Variants in USP4 observed in about 807,000 individuals in gnomAD.
USP4 encodes ubiquitin carboxyl-terminal hydrolase 4.
USP4 carries 72 observed loss-of-function variants against 118.2 expected under a neutral mutation model. That is an observed-to-expected ratio of 0.61 (90% confidence interval 0.50 to 0.74). The LOEUF (loss-of-function observed/expected upper bound fraction) is 0.74. USP4 is among the 30% of genes least tolerant of loss of function. The pLI is 0.00. For missense variants in USP4, 1,037 were observed against 1,185.7 expected, an observed-to-expected ratio of 0.87 and a Z score of 1.84; for synonymous variants, 415 against 440.4, an observed-to-expected ratio of 0.94 and a Z score of 0.72.
Position 49,329,299 on chromosome 3 carries a change from C to T in USP4, c.230-1483G>A, listed in dbSNP as rs147566473. Among the ~76,000 whole-genome samples the T allele has an allele frequency of 3.0e-3, 463 of 152,302 alleles. 4 individuals carry two copies. Among genetic ancestry groups the T allele is most frequent in the African/African-American group, 0.011 (440 of 41,574 alleles). Reference sequence around the variant, plus strand: ...TTGCTGTTACTTCTCCCACTGATGTCTTGAGCCCGTTGAAGTCATCCGTAA... The same window carrying T: ...TTGCTGTTACTTCTCCCACTGATGTTTTGAGCCCGTTGAAGTCATCCGTAA... On this transcript the variant is annotated intron_variant, in intron 2 of 21. Transcript: ENST00000265560.
intron 14 of USP4, among the ~76,000 whole-genome samples, chr3:49,294,108 C>A (rs2047178469): frequency 6.6e-6 from 1 of 152,058 alleles, no homozygotes; most frequent in Admixed American, 6.6e-5. Flanking sequence ...GCCTCAGCAT[C>A]CCGAGCAGCT....
intron 1 of USP4, 49 bp downstream of exon 1, chr3:49,339,875 T>TTTCTCGGCCCCTGG: frequency 6.5e-7 from 1 of 1,540,148 alleles, no homozygotes; most frequent in Non-Finnish European, 8.9e-7. Flanking sequence ...GAGGCCCCTT[T>TTTCTCGGCCCCTGG]TTCTCGGCCC....
chr3:49,309,136 C>T (rs1274566078), intron 8 of USP4, among the ~76,000 whole-genome samples: 2 of 151,862 alleles, frequency 1.3e-5, no homozygotes, highest in Non-Finnish European at 2.9e-5. Flanking sequence ...CCCTATATGC[C>T]TCTTCCCTTG....
At chr3:49,320,543 C>T (rs952792912) in intron 6 of USP4, among the ~76,000 whole-genome samples, 3 of 152,198 alleles carry the variant, frequency 2.0e-5, no homozygotes, top group Non-Finnish European at 4.4e-5. Context: ...AACTCCTGGG[C>T]TCAAGCAAGC....
At chr3:49,283,895 A>C in intron 19 of USP4, 92 bp downstream of exon 19, 1 of 1,521,990 alleles carries the variant, frequency 6.6e-7, no homozygotes, top group South Asian at 1.2e-5. Flanking sequence ...CTTACTCAGA[A>C]AAGTTTTTGG....
intron 6 of USP4, chr3:49,312,525 C>T (rs970968953): frequency 2.2e-6 from 1 of 452,382 alleles, no homozygotes; most frequent in Non-Finnish European, 4.4e-6. Flanking sequence ...GAAGCTGAGG[C>T]AGGAGAATTG....
chr3:49,331,762 T>C (rs1251396131), intron 2 of USP4, among the ~76,000 whole-genome samples: 1 of 152,178 alleles, frequency 6.6e-6, no homozygotes, highest in Non-Finnish European at 1.5e-5. Context: ...ATTTTTGGAA[T>C]GATAAATGAG....
chr3:49,338,932 G>C (rs1368998647), intron 1 of USP4, among the ~76,000 whole-genome samples: 1 of 152,136 alleles, frequency 6.6e-6, no homozygotes, highest in Non-Finnish European at 1.5e-5. Context: ...TGGATCATAA[G>C]GTCAAGAGTT....
At chr3:49,332,709 T>G (rs779304126) in intron 2 of USP4, among the ~76,000 whole-genome samples, 17 of 151,634 alleles carry the variant, frequency 1.1e-4, no homozygotes, top group Middle Eastern at 3.4e-3. Flanking sequence ...AAAATAATAA[T>G]AATAAATAAA....
chr3:49,307,619 T>C (rs527287426), intron 8 of USP4, among the ~76,000 whole-genome samples: 1 of 151,764 alleles, frequency 6.6e-6, no homozygotes, highest in Admixed American at 6.6e-5. Context: ...ACAAAAACCA[T>C]TGCTGGTTTG....
intron 15 of USP4, among the ~76,000 whole-genome samples, chr3:49,292,092 C>T (rs1207530892): frequency 6.6e-6 from 1 of 151,998 alleles, no homozygotes; most frequent in Non-Finnish European, 1.5e-5. Flanking sequence ...CAGGCGTGAG[C>T]CACCACGCCC....
chr3:49,301,351 G>A (rs1038279532), intron 10 of USP4, among the ~76,000 whole-genome samples: 3 of 152,110 alleles, frequency 2.0e-5, no homozygotes, highest in African/African-American at 7.2e-5. Context: ...CAGAGACATG[G>A]CCAGGGCAAG....
intron 13 of USP4, among the ~76,000 whole-genome samples, chr3:49,295,284 A>G (rs2047191348): frequency 8.9e-6 from 1 of 112,538 alleles, no homozygotes; most frequent in South Asian, 3.5e-4. Flanking sequence ...GCGAGACTCC[A>G]TCTCAAAAAA....
intron 13 of USP4, 85 bp from the exon 14 acceptor site, chr3:49,294,683 G>T: frequency 1.5e-6 from 2 of 1,337,732 alleles, no homozygotes; most frequent in Non-Finnish European, 2.1e-6. Context: ...TGGTGGCCAG[G>T]GCTATGATTA....
At position 49,297,927 on chromosome 3, in the gene USP4, T is replaced by C. The variant is rs61754208; in HGVS notation, c.1634A>G (p.Lys545Arg). The C allele has an allele frequency of 1.3e-3, 2,177 of 1,614,160 alleles. 2 individuals are homozygous for C. Among genetic ancestry groups the C allele is most frequent in the Non-Finnish European group, 1.6e-3 (1,833 of 1,180,010 alleles). The stretch of plus-strand genomic sequence containing the variant: ...TAAACCTTCATCCATTTGGAAAATT[T>C]TGTGGAATCGGTGATTATACACATC... Reference protein sequence around the residue: ...VADVYNHRFHKIFQMDEGLNH... With the variant: ...VADVYNHRFHRIFQMDEGLNH... Residue 545 changes from lysine to arginine, a missense_variant, in exon 13 of 22, where the codon AAA (lysine) becomes AGA (arginine). Physicochemically the swap from Lys to Arg is conservative, Grantham distance 26. Around this residue, in one of 3 missense-constraint regions of USP4, gnomAD observed 522 missense variants for 592.6 expected, o/e 0.88. Transcript: ENST00000265560.
In USP4 at chr3:49,311,622, G is replaced by A; in HGVS notation, c.728C>T (p.Thr243Ile). ...GGGACTTGCTGATGATTTTGGAGAG[G>A]TAGTAAAATTTCTGCTAGGCGCAGT... ...SSTAPSRNFT[T>I]SPKSSASPYS... The change falls in exon 7 of 22, where the codon ACC (threonine) becomes ATC (isoleucine). Residue 243 changes from threonine (T) to isoleucine (I), a missense_variant. Thr to Ile is a moderately conservative substitution (Grantham distance 89, BLOSUM62 -1). This residue lies in a region of USP4 where 487 missense variants were observed against 534.1 expected (regional missense o/e 0.91). Coordinates refer to ENST00000265560, the MANE Select transcript of USP4 (RefSeq NM_003363.4). The A allele has an allele frequency of 6.2e-7, 1 of 1,614,022 alleles. No individual in the cohort carries two copies. Among genetic ancestry groups the A allele is most frequent in the Non-Finnish European group, 8.5e-7 (1 of 1,179,918 alleles).
At position 49,325,742 on chromosome 3, in the gene USP4, T is replaced by C. The variant is rs1192832685; in HGVS notation, c.464A>G (p.His155Arg). The C allele has an allele frequency of 4.3e-6, 7 of 1,613,752 alleles. No homozygotes were observed. The highest frequency in any genetic ancestry group is 5.9e-6 in the Non-Finnish European group (7 of 1,179,876). ...ACCAATGGTGTCTGCCTTGCTGAAA[T>C]GGCAACTCAGCACATTGGTGGGGTC... ...NSDPTNVLSC[H>R]FSKADTIATI... The change falls in exon 4 of 22, where the codon CAT becomes CGT. Residue 155 changes from histidine (H) to arginine (R), a missense_variant. His to Arg is a conservative substitution (Grantham distance 29). Around this residue, in one of 3 missense-constraint regions of USP4, gnomAD observed 487 missense variants for 534.1 expected, o/e 0.91. Transcript: ENST00000265560.
chr3:49,292,630 G>T (rs1395788989), intron 14 of USP4, 32 bp from the exon 15 acceptor site: 15 of 1,434,614 alleles, frequency 1.0e-5, no homozygotes, highest in Non-Finnish European at 1.3e-5. Context: ...AGAAAAAAAA[G>T]ATTGTTAGTT....
rs144281259 is a variant in USP4, at chr3:49,305,872, G to A, written c.971C>T (p.Ala324Val). ...NSALQCLSNTAPLTDYFLKDE... is the reference protein window; with the variant it reads ...NSALQCLSNTVPLTDYFLKDE... ...TTTGAGAAAGTAGTCAGTCAGTGGTGCAGTGTTGCTCAAACACTGAAACAG... is the reference window on the plus strand; with the variant it reads ...TTTGAGAAAGTAGTCAGTCAGTGGTACAGTGTTGCTCAAACACTGAAACAG... The change falls in exon 9 of 22, where the codon GCA becomes GTA. Residue 324 changes from alanine (A) to valine (V), a missense_variant. Physicochemically the swap from Ala to Val is moderately conservative, Grantham distance 64 (BLOSUM62 0). Around this residue, in one of 3 missense-constraint regions of USP4, gnomAD observed 487 missense variants for 534.1 expected, o/e 0.91. Coordinates refer to ENST00000265560, the MANE Select transcript of USP4 (RefSeq NM_003363.4). 8 of 1,613,436 alleles carry A rather than the reference G, an allele frequency of 5.0e-6. No homozygotes were observed. The African/African-American group carries it at 8.0e-5, about 16-fold the overall frequency.
Sources: allele counts gnomAD v4.1 joint callset (sites outside exome capture counted in the v4.1 genomes callset), GRCh38; gene constraint gnomAD v4.1.1; regional missense constraint gnomAD v4.1.1; transcripts MANE v1.5; gene names NCBI Gene and HGNC (gene_info 2026-07-23, HGNC 2026-07-21).